The following DAB1 variants were observed in gnomAD, a reference collection of about 807,000 sequenced individuals.
DAB1 encodes the protein DAB adaptor protein 1.
Under a neutral mutation model 64.6 loss-of-function variants are expected in DAB1, and 15 were observed. The observed-to-expected ratio is 0.23, with a 90% confidence interval of 0.16 to 0.36. The LOEUF is 0.36. Among genes scored for constraint, DAB1 ranks in the 10% least tolerant of loss-of-function variants. The probability of loss-of-function intolerance (pLI) is 1.00; values close to 1 mark genes in which losing one functional copy is unlikely to be tolerated. For missense variants in DAB1, 596 were observed against 706.7 expected (o/e 0.84, Z 1.78); for synonymous variants, 235 against 251.9 (o/e 0.93, Z 0.64).
At chr1:58,295,033 T>A (rs1661937591) in intron 4 of DAB1, among the ~76,000 whole-genome samples, 1 of 152,122 alleles carries the variant, frequency 6.6e-6, no homozygotes, top group Non-Finnish European at 1.5e-5. Context: ...GAACGCTGTA[T>A]GCTCAGAGAT....
intron 4 of DAB1, among the ~76,000 whole-genome samples, chr1:58,245,920 T>C (rs183482682): frequency 5.9e-4 from 90 of 152,306 alleles, no homozygotes; most frequent in African/African-American, 2.0e-3. Context: ...GGTATGAAGA[T>C]GATGTACATG....
At chr1:57,413,941 G>T (rs1191876918) in intron 1 of DAB1, among the ~76,000 whole-genome samples, 2 of 152,112 alleles carry the variant, frequency 1.3e-5, no homozygotes, top group Non-Finnish European at 2.9e-5. Context: ...ACTAGAATTA[G>T]AAGTGGAGCC....
At chr1:57,887,501 G>A (rs146939166), upstream of DAB1, among the ~76,000 whole-genome samples, 242 of 152,290 alleles carry the variant, frequency 1.6e-3, 5 homozygotes, top group South Asian at 0.042. Context: ...GAGACACTGT[G>A]CTAAAACTAA....
intron 7 of DAB1, among the ~76,000 whole-genome samples, chr1:57,594,622 C>T (rs2101575247): frequency 6.6e-6 from 1 of 152,262 alleles, no homozygotes; most frequent in East Asian, 1.9e-4. Flanking sequence ...ATGCTATTTA[C>T]CCAGGAAAAA....
intron 7 of DAB1, among the ~76,000 whole-genome samples, chr1:57,481,945 T>A (rs756400444): frequency 1.2e-3 from 184 of 152,166 alleles, no homozygotes; most frequent in Non-Finnish European, 2.0e-3. Flanking sequence ...CCACTATGAA[T>A]CTGGTTTCAG....
At chr1:57,145,808 G>A (rs1410588572) in intron 2 of DAB1, among the ~76,000 whole-genome samples, 1 of 152,198 alleles carries the variant, frequency 6.6e-6, no homozygotes, top group Non-Finnish European at 1.5e-5. Context: ...GTCCGAAATT[G>A]TTGTTAGAAT....
chr1:58,049,197 C>T (rs1647456021), intron 5 of DAB1: 10 of 768,492 alleles, frequency 1.3e-5, no homozygotes, highest in African/African-American at 8.5e-5. Flanking sequence ...CTCAAAATGG[C>T]TTCTCAGGTT....
chr1:58,020,614 A>G (rs1570237066), intron 5 of DAB1, among the ~76,000 whole-genome samples: 1 of 152,114 alleles, frequency 6.6e-6, no homozygotes, highest in Non-Finnish European at 1.5e-5. Context: ...CAGGTTCTGT[A>G]AAAAAAAGTC....
upstream of DAB1, among the ~76,000 whole-genome samples, chr1:57,425,368 T>C (rs1170457878): frequency 2.0e-5 from 3 of 152,114 alleles, no homozygotes; most frequent in Non-Finnish European, 2.9e-5. Flanking sequence ...TTTTTTTTTC[T>C]CGTAGCTTCT....
At chr1:58,383,374 G>T (rs1644406489) in intron 3 of DAB1, among the ~76,000 whole-genome samples, 1 of 152,094 alleles carries the variant, frequency 6.6e-6, no homozygotes, top group Non-Finnish European at 1.5e-5. Context: ...ACTCACAGTG[G>T]ACTCCTAGCG....
Position 58,437,418 on chromosome 1 carries a change from C to T in DAB1, n.257+68642G>A, listed in dbSNP as rs917517222. Among the ~76,000 whole-genome samples the T allele has an allele frequency of 5.3e-5, 8 of 152,128 alleles. No homozygotes were observed. In the South Asian group the frequency reaches 6.2e-4, roughly 12 times the overall value. On this transcript the variant is annotated intron_variant and non_coding_transcript_variant, in intron 3 of 20. Transcript: ENST00000485760. ...TCAGTTCCAATCCATCAGAACAACA[C>T]GGAAGAGCCTCACCATCTGGTACTG...
At chr1:58,534,827 A>G (rs1280846285) in intron 1 of DAB1, among the ~76,000 whole-genome samples, 1 of 152,008 alleles carries the variant, frequency 6.6e-6, no homozygotes, top group Admixed American at 6.6e-5. Context: ...TCCCAGCTAC[A>G]TGGGAGGCTG....
chr1:58,516,387 A>AT (rs1646158314), intron 2 of DAB1, among the ~76,000 whole-genome samples: 1 of 152,238 alleles, frequency 6.6e-6, no homozygotes, highest in Non-Finnish European at 1.5e-5. Flanking sequence ...TGACAAATGA[A>AT]TATTCATACC....
chr1:58,027,041 T>C (rs1646905109), intron 5 of DAB1, among the ~76,000 whole-genome samples: 1 of 152,190 alleles, frequency 6.6e-6, no homozygotes, highest in Non-Finnish European at 1.5e-5. Context: ...AAAGTGATCT[T>C]AAATACCATT....
At chr1:57,206,551 T>G (rs556623464) in intron 2 of DAB1, among the ~76,000 whole-genome samples, 1 of 152,332 alleles carries the variant, frequency 6.6e-6, no homozygotes, top group African/African-American at 2.4e-5. Flanking sequence ...TCCCATTTGT[T>G]CTTCTTACTG....
intron 4 of DAB1, among the ~76,000 whole-genome samples, chr1:58,199,260 T>G (rs1479896578): frequency 6.6e-6 from 1 of 151,160 alleles, no homozygotes; most frequent in Non-Finnish European, 1.5e-5. Flanking sequence ...TGGCTGGCTA[T>G]TTAGTTATGT....
At chr1:57,699,594 TA>T (rs1412930237) in intron 6 of DAB1, among the ~76,000 whole-genome samples, 1 of 152,140 alleles carries the variant, frequency 6.6e-6, no homozygotes, top group Non-Finnish European at 1.5e-5. Flanking sequence ...GAAGTGACTC[TA>T]ACTTACAGAG....
intron 7 of DAB1, among the ~76,000 whole-genome samples, chr1:57,592,944 T>C (rs536030066): frequency 3.5e-4 from 54 of 152,306 alleles, no homozygotes; most frequent in Non-Finnish European, 1.5e-4. Context: ...CCTGTCTCTA[T>C]ATGTAGTCAC....
chr1:58,088,477 C>A (rs1650451851), intron 5 of DAB1, among the ~76,000 whole-genome samples: 1 of 152,140 alleles, frequency 6.6e-6, no homozygotes, highest in South Asian at 2.1e-4. Flanking sequence ...CTATTCATAT[C>A]TTCTTTAATT....
Sources: gnomAD v4.1 joint callset for allele counts (sites outside exome capture counted in the v4.1 genomes callset) on GRCh38, gnomAD v4.1.1 for gene constraint, MANE v1.5 for transcripts, NCBI Gene and HGNC (gene_info 2026-07-23, HGNC 2026-07-21) for gene names.